The following FRMD4A variants were observed in gnomAD, a reference collection of about 807,000 sequenced individuals.
The protein encoded by FRMD4A is FERM domain-containing protein 4A.
Under a neutral mutation model 129.1 loss-of-function variants are expected in FRMD4A, and 29 were observed. The ratio of observed to expected loss-of-function variants is 0.22; its 90% CI spans 0.17 to 0.31. The LOEUF (loss-of-function observed/expected upper bound fraction) is 0.31, where lower values mean the gene tolerates loss of function less well. Among genes scored for constraint, FRMD4A ranks in the 10% least tolerant of loss-of-function variants. The pLI, the probability that FRMD4A is intolerant of heterozygous loss-of-function variation, is 1.00. For synonymous variants in FRMD4A, 634 were observed against 571.6 expected (o/e 1.11, Z -1.56); for missense variants, 1,272 against 1,375.8 (o/e 0.92, Z 1.19).
chr10:13,720,927 C>T (rs2089353050), intron 12 of FRMD4A, among the ~76,000 whole-genome samples: 1 of 152,218 alleles, frequency 6.6e-6, no homozygotes, highest in Non-Finnish European at 1.5e-5. Context: ...TGTGCTGCAA[C>T]AGGGATGAAC....
In FRMD4A at chr10:14,034,791, C is replaced by T. The variant is rs1016680137; in HGVS notation, c.46-175879G>A. Among the ~76,000 whole-genome samples, 5 of 152,204 alleles carry T rather than the reference C, an allele frequency of 3.3e-5. No homozygotes were observed. The South Asian group carries it at 6.2e-4, about 19-fold the overall frequency. ...GACACCAGGTTCATGCATCTTCACACAGGCCGTCCCTAGAAGAGAAAAGGA... is the reference window on the plus strand; with the variant it reads ...GACACCAGGTTCATGCATCTTCACATAGGCCGTCCCTAGAAGAGAAAAGGA... On this transcript the variant is annotated intron_variant, in intron 2 of 24. Transcript: ENST00000357447.
rs145249064 is a variant in FRMD4A at position 13,997,484 on chromosome 10, T to C, written c.46-138572A>G. Among the ~76,000 whole-genome samples, 663 of 152,274 alleles carry C rather than the reference T, an allele frequency of 4.4e-3. 4 individuals carry two copies. Among genetic ancestry groups the C allele is most frequent in the African/African-American group, 0.015 (617 of 41,552 alleles). ...CTGTGCCTGTTTTTCTGGAACACTA[T>C]ATATTAAGGCACTGCTTCTCAAACT... On this transcript the variant is annotated intron_variant, in intron 2 of 24. Coordinates refer to ENST00000357447, the MANE Select transcript of FRMD4A (RefSeq NM_018027.5).
chr10:13,964,198 C>A (rs1441102788), intron 2 of FRMD4A, among the ~76,000 whole-genome samples: 1 of 150,800 alleles, frequency 6.6e-6, no homozygotes, highest in Non-Finnish European at 1.5e-5. Flanking sequence ...GCGGTTTCTA[C>A]AAATAGACCA....
chr10:14,263,467 G>A (rs764438647), intron 2 of FRMD4A, among the ~76,000 whole-genome samples: 3 of 152,040 alleles, frequency 2.0e-5, no homozygotes, highest in South Asian at 4.1e-4. Flanking sequence ...TCCATTCCAC[G>A]TGCTCTGAGA....
intron 12 of FRMD4A, among the ~76,000 whole-genome samples, chr10:13,733,334 G>A (rs911087794): frequency 2.0e-5 from 3 of 152,224 alleles, no homozygotes; most frequent in East Asian, 1.9e-4. Context: ...CTGAGTCCAC[G>A]GCCTTGCCTT....
At chr10:14,167,417 A>G (rs1841240926) in intron 2 of FRMD4A, among the ~76,000 whole-genome samples, 1 of 151,694 alleles carries the variant, frequency 6.6e-6, no homozygotes, top group Admixed American at 6.6e-5. Flanking sequence ...TTATAATCCC[A>G]GCTATGCATG....
At chr10:14,190,403 G>C in intron 2 of FRMD4A, among the ~76,000 whole-genome samples, 1 of 152,132 alleles carries the variant, frequency 6.6e-6, no homozygotes, top group East Asian at 1.9e-4. Context: ...TCAGGGTCTT[G>C]CTCTGTTGCC....
intron 15 of FRMD4A, chr10:13,692,905 C>T (rs2085849496): frequency 6.7e-6 from 1 of 150,352 alleles, no homozygotes; most frequent in Non-Finnish European, 1.5e-5. Context: ...CTTGCTCTGT[C>T]ACCCAGGTTG....
At chr10:13,670,854 T>G (rs369028202) in intron 16 of FRMD4A, among the ~76,000 whole-genome samples, 143 of 152,346 alleles carry the variant, frequency 9.4e-4, no homozygotes, top group African/African-American at 3.3e-3. Context: ...AGATATTTCC[T>G]GCCTGCCTCC....
intron 2 of FRMD4A, among the ~76,000 whole-genome samples, chr10:14,119,382 C>T (rs898983696): frequency 6.6e-6 from 1 of 152,174 alleles, no homozygotes; most frequent in African/African-American, 2.4e-5. Flanking sequence ...GGGCCAAACC[C>T]CAGGTACCTG....
intron 2 of FRMD4A, among the ~76,000 whole-genome samples, chr10:14,328,076 A>T (rs1843350485): frequency 6.6e-6 from 1 of 152,156 alleles, no homozygotes; most frequent in Non-Finnish European, 1.5e-5. Flanking sequence ...CATAGGGGAA[A>T]ATTTCCCTGA....
chr10:13,781,792 A>C (rs2130779264), intron 6 of FRMD4A, among the ~76,000 whole-genome samples: 1 of 146,230 alleles, frequency 6.8e-6, no homozygotes, highest in Non-Finnish European at 1.5e-5. Flanking sequence ...CATGGAGACA[A>C]AAAGTAGTGG....
intron 2 of FRMD4A, among the ~76,000 whole-genome samples, chr10:13,861,682 C>T (rs911462389): frequency 1.3e-5 from 2 of 152,190 alleles, no homozygotes; most frequent in Admixed American, 1.3e-4. Context: ...CTTATTCACC[C>T]GTTGAACCCC....
rs1177699729 is a variant in FRMD4A at position 13,660,452 on chromosome 10, G to C, written c.1762C>G (p.Leu588Val). 5 of 1,613,950 alleles carry C rather than the reference G, an allele frequency of 3.1e-6. No individual in the cohort carries two copies. The highest frequency in any genetic ancestry group is 4.2e-6 in the Non-Finnish European group (5 of 1,179,908). ...SHNRPPPPQSLEGLRQMHYHR... is the reference protein window; with the variant it reads ...SHNRPPPPQSVEGLRQMHYHR... ...TAGTGCATCTGTCGGAGTCCCTCCA[G>C]GGACTGGGGAGGAGGAGGCCTGTTG... Residue 588 changes from leucine (L) to valine (V), a missense_variant, in exon 20 of 25, where the codon CTG becomes GTG. By Grantham distance (32) the Leu-to-Val change is conservative (BLOSUM62 1). Coordinates refer to ENST00000357447, the MANE Select transcript of FRMD4A (RefSeq NM_018027.5).
intron 2 of FRMD4A, among the ~76,000 whole-genome samples, chr10:14,153,645 G>C (rs541611808): frequency 6.6e-6 from 1 of 152,264 alleles, no homozygotes; most frequent in South Asian, 2.1e-4. Flanking sequence ...AGGCGAAAAG[G>C]AAACCGAGCT....
At chr10:13,670,010 G>A (rs112741804) in intron 17 of FRMD4A, among the ~76,000 whole-genome samples, 2,896 of 152,254 alleles carry the variant, frequency 0.019, 71 homozygotes, top group African/African-American at 0.054. Flanking sequence ...ACCTGATGCC[G>A]TGGCCTAAGT....
chr10:13,877,983 C>A (rs998309612), intron 2 of FRMD4A, among the ~76,000 whole-genome samples: 2 of 152,066 alleles, frequency 1.3e-5, no homozygotes, highest in African/African-American at 4.8e-5. Flanking sequence ...CTCCCCACCC[C>A]CATCCTCATC....
At chr10:13,737,742 G>A in intron 12 of FRMD4A, 102 bp downstream of exon 12, 1 of 656,114 alleles carries the variant, frequency 1.5e-6, no homozygotes, top group South Asian at 1.9e-5. Flanking sequence ...GGAGATTGGT[G>A]AGCCTTTAGG....
rs1316963400 is a variant in FRMD4A, at chr10:13,660,142, AAC to A, written c.1898+172_1898+173del. Among the ~76,000 whole-genome samples, 4 of 152,362 alleles carry A rather than the reference AAC, an allele frequency of 2.6e-5. No homozygotes were observed. The East Asian group carries it at 7.7e-4, about 29-fold the overall frequency. On this transcript the variant is annotated intron_variant, in intron 20 of 24. Transcript: ENST00000357447. The stretch of plus-strand genomic sequence containing the variant: ...TCTCTGAGTCACAAAAATGTACCTC[AAC>A]AGTGTCGGCAGCAGAGGGCGCTGTG...
Sources: gnomAD v4.1 joint callset for allele counts (sites outside exome capture counted in the v4.1 genomes callset) on GRCh38, gnomAD v4.1.1 for gene constraint, MANE v1.5 for transcripts, NCBI Gene and HGNC (gene_info 2026-07-23, HGNC 2026-07-21) for gene names.